QRICH1: variants seen among roughly 807,000 people sequenced by gnomAD.
The protein encoded by QRICH1 is glutamine rich 1.
Under a neutral mutation model 87.1 loss-of-function variants are expected in QRICH1, and 16 were observed. The observed-to-expected ratio is 0.18, with a 90% confidence interval of 0.12 to 0.28. The LOEUF (loss-of-function observed/expected upper bound fraction) is 0.28, where lower values mean the gene tolerates loss of function less well. QRICH1 is among the 10% of genes least tolerant of loss of function. QRICH1 has a pLI of 1.00. For missense variants in QRICH1, 647 were observed against 951.7 expected (o/e 0.68, Z 4.21); for synonymous variants, 367 against 368.4 (o/e 1.00, Z 0.05).
In QRICH1 at chr3:49,076,300, G is replaced by A. The variant is rs993244239; in HGVS notation, c.309+409C>T. 5.3e-5 allele frequency among the ~76,000 whole-genome samples: 8 copies of A among 152,330 alleles called. No homozygotes were observed. In the South Asian group the frequency reaches 1.0e-3, roughly 20 times the overall value. On this transcript the variant is annotated intron_variant, in intron 2 of 9. Transcript: ENST00000395443. Reference sequence around the variant, plus strand: ...CCCCACCATCACTGACATCGCCGCCGGCGGGGTCACGTGCCGGGACCGGGT... The same window carrying A: ...CCCCACCATCACTGACATCGCCGCCAGCGGGGTCACGTGCCGGGACCGGGT...
chr3:49,032,584 T>C (rs756364185), intron 8 of QRICH1, 38 bp downstream of exon 8: 3 of 1,534,936 alleles, frequency 2.0e-6, no homozygotes, highest in Admixed American at 2.0e-5. Context: ...GCAGGACAAG[T>C]AGCACCTGTT....
In QRICH1 at chr3:49,056,982, G is replaced by A. The variant is rs1373629259; in HGVS notation, c.1218C>T (p.Tyr406=). The A allele has an allele frequency of 1.4e-5, 22 of 1,614,080 alleles. No individual in the cohort carries two copies. The highest frequency in any genetic ancestry group is 1.8e-5 in the Non-Finnish European group (21 of 1,180,054). The change falls in exon 3 of 10, where the codon TAC becomes TAT. Residue 406 remains tyrosine (Y), a synonymous_variant. Coordinates refer to ENST00000395443, the MANE Select transcript of QRICH1 (RefSeq NM_198880.3). ...PVAVQAVAGT[Y]QNTAQTVHIW... Reference sequence around the variant, plus strand: ...TATGGACAGTTTGAGCCGTATTCTGGTACGTGCCTGCCACAGCCTGCACAG... The same window carrying A: ...TATGGACAGTTTGAGCCGTATTCTGATACGTGCCTGCCACAGCCTGCACAG...
rs181782916 is a variant in QRICH1, at chr3:49,036,602, A to G, written c.1787-3374T>C. On this transcript the variant is annotated intron_variant, in intron 6 of 9. Coordinates refer to ENST00000395443, the MANE Select transcript of QRICH1 (RefSeq NM_198880.3). Reference sequence around the variant, plus strand: ...AATCTGTAAGTTCACAATGACTCTTAAAACAAGAAAACCTTAATTGGACAT... The same window carrying G: ...AATCTGTAAGTTCACAATGACTCTTGAAACAAGAAAACCTTAATTGGACAT... Among the ~76,000 whole-genome samples, 5 of 152,302 alleles carry G rather than the reference A, an allele frequency of 3.3e-5. No individual in the cohort carries two copies. The East Asian group carries it at 7.7e-4, about 23-fold the overall frequency.
intron 3 of QRICH1, among the ~76,000 whole-genome samples, chr3:49,054,922 A>T (rs572065726): frequency 1.3e-5 from 2 of 152,324 alleles, no homozygotes; most frequent in African/African-American, 4.8e-5. Context: ...ACTACAGTTC[A>T]AACGTCATTT....
chr3:49,048,982 A>G (rs1023558685), intron 3 of QRICH1, among the ~76,000 whole-genome samples: 1 of 151,090 alleles, frequency 6.6e-6, no homozygotes, highest in Non-Finnish European at 1.5e-5. Context: ...GCTCACTGCA[A>G]CCTTCACCTC....
At position 49,046,598 on chromosome 3, in the gene QRICH1, AAATG is replaced by A; in HGVS notation, c.1517-23_1517-20del. ...TGGCGCCCTGCAACGGAAGCCTCAAAAATGAATGAAGGTCCTGGGGGTCCATATC... is the reference window on the plus strand; with the variant it reads ...TGGCGCCCTGCAACGGAAGCCTCAAAAATGAAGGTCCTGGGGGTCCATATC... On this transcript the variant is annotated intron_variant, in intron 4 of 9. Transcript: ENST00000395443. 6.2e-7 allele frequency: 1 copy of A among 1,611,666 alleles called. No individual in the cohort carries two copies. Among genetic ancestry groups the A allele is most frequent in the Non-Finnish European group, 8.5e-7 (1 of 1,179,122 alleles).
intron 1 of QRICH1, among the ~76,000 whole-genome samples, chr3:49,079,964 G>C (rs1375803192): frequency 6.6e-6 from 1 of 151,938 alleles, no homozygotes; most frequent in African/African-American, 2.4e-5. Context: ...AGGAGGCAGA[G>C]GTTGCGGTGA....
At chr3:49,036,747 T>C (rs1158409522) in intron 6 of QRICH1, among the ~76,000 whole-genome samples, 4 of 150,600 alleles carry the variant, frequency 2.7e-5, no homozygotes, top group Non-Finnish European at 5.9e-5. Context: ...ATCTATACCA[T>C]CATGAACCCA....
At chr3:49,069,101 A>AT (rs1340493320) in intron 2 of QRICH1, among the ~76,000 whole-genome samples, 3,396 of 86,648 alleles carry the variant, frequency 0.039, 46 homozygotes, top group East Asian at 0.077. Flanking sequence ...TATTATTATT[A>AT]TTATTATTTT....
intron 2 of QRICH1, among the ~76,000 whole-genome samples, chr3:49,069,861 G>A (rs1032396864): frequency 1.3e-5 from 2 of 152,058 alleles, no homozygotes; most frequent in Non-Finnish European, 2.9e-5. Context: ...AATGTGAGCT[G>A]TAAGTATACA....
At chr3:49,090,628 CAAA>C (rs35351750) in intron 1 of QRICH1, among the ~76,000 whole-genome samples, 4 of 119,488 alleles carry the variant, frequency 3.3e-5, no homozygotes, top group Admixed American at 8.8e-5. Flanking sequence ...AACTCCATCT[CAAA>C]AAAAAAAAAA....
At chr3:49,086,762 A>C (rs1000826915) in intron 1 of QRICH1, 1 of 152,122 alleles carries the variant, frequency 6.6e-6, no homozygotes, top group Non-Finnish European at 1.5e-5. Context: ...ATCTTATTGC[A>C]ATCACTGTTT....
At chr3:49,094,081 T>G, upstream of QRICH1, 1 of 398,626 alleles carries the variant, frequency 2.5e-6, no homozygotes, top group African/African-American at 2.1e-5. Flanking sequence ...TAGGAGCCGA[T>G]TGCTCCTCTC....
intron 2 of QRICH1, among the ~76,000 whole-genome samples, chr3:49,059,048 G>A (rs1380140687): frequency 3.4e-5 from 5 of 147,400 alleles, no homozygotes; most frequent in South Asian, 2.1e-4. Flanking sequence ...TGCAAGCTCC[G>A]CCTCCCGGGT....
At chr3:49,039,520 A>G (rs2093296911) in intron 6 of QRICH1, among the ~76,000 whole-genome samples, 1 of 146,986 alleles carries the variant, frequency 6.8e-6, no homozygotes, top group African/African-American at 2.5e-5. Context: ...AGCTACTCGG[A>G]GGCTGAGGCA....
At chr3:49,030,729 C>T in intron 9 of QRICH1, 85 bp from the exon 10 acceptor site, 2 of 1,216,656 alleles carry the variant, frequency 1.6e-6, no homozygotes, top group Non-Finnish European at 2.3e-6. Context: ...ATGCTGTCTG[C>T]AAACAGTAAG....
intron 6 of QRICH1, 34 bp downstream of exon 6, chr3:49,044,356 A>G: frequency 6.7e-7 from 1 of 1,482,618 alleles, no homozygotes; most frequent in Non-Finnish European, 9.3e-7. Flanking sequence ...AAATCCAGGT[A>G]GGAAAGATAT....
At chr3:49,071,902 G>T (rs1358435075) in intron 2 of QRICH1, among the ~76,000 whole-genome samples, 1 of 152,110 alleles carries the variant, frequency 6.6e-6, no homozygotes, top group Non-Finnish European at 1.5e-5. Flanking sequence ...ATGTTGCCCA[G>T]GCTGGTCTCA....
intron 6 of QRICH1, among the ~76,000 whole-genome samples, chr3:49,036,937 C>A (rs1471696212): frequency 6.6e-6 from 1 of 151,748 alleles, no homozygotes; most frequent in Non-Finnish European, 1.5e-5. Context: ...ATGGCATGTG[C>A]CTATGGCCCC....
Sources: gnomAD v4.1 joint callset for allele counts (sites outside exome capture counted in the v4.1 genomes callset) on GRCh38, gnomAD v4.1.1 for gene constraint, MANE v1.5 for transcripts, NCBI Gene and HGNC (gene_info 2026-07-23, HGNC 2026-07-21) for gene names.